Variants in DHX57 observed in about 807,000 individuals in gnomAD.
DHX57 encodes the protein DExH-box helicase 57, also known as putative ATP-dependent RNA helicase DHX57.
A neutral mutation model predicts 156.2 loss-of-function variants in DHX57; 105 were observed. The observed-to-expected ratio is 0.67, with a 90% CI of 0.57 to 0.79. DHX57 has a LOEUF of 0.79. DHX57 is among the 30% of genes least tolerant of loss of function. The pLI is 0.00. For synonymous variants in DHX57, 704 were observed against 595.6 expected (o/e 1.18, Z -2.65); for missense variants, 1,847 against 1,661.9 (o/e 1.11, Z -1.94).
At chr2:38,864,245 T>TAA (rs146547256) in intron 2 of DHX57, among the ~76,000 whole-genome samples, 11 of 132,924 alleles carry the variant, frequency 8.3e-5, no homozygotes, top group African/African-American at 2.9e-4. Flanking sequence ...TTCTGATTAT[T>TAA]AAAAAAAAAA....
chr2:38,820,158 T>C (rs958551799), intron 17 of DHX57, among the ~76,000 whole-genome samples: 7 of 152,180 alleles, frequency 4.6e-5, no homozygotes, highest in African/African-American at 1.7e-4. Flanking sequence ...ACTAATACAA[T>C]AGCAATAAAA....
rs1170183834 is a variant in DHX57 at position 38,813,895 on chromosome 2, C to T, written c.3607G>A (p.Ala1203Thr). The change falls in exon 21 of 24, where the codon GCA (alanine) becomes ACA (threonine). Residue 1203 changes from alanine (A) to threonine (T), a missense_variant and splice_region_variant. Coordinates refer to ENST00000457308, the MANE Select transcript of DHX57 (RefSeq NM_198963.3). ...TTGGGGTTCTCAGCATTTGAGTTTG[C>T]CTATGAGAAAAGCACAGCATTAATT... ...DGVLDATGEE[A>T]NSNAENPKLI... 6.2e-7 allele frequency: 1 copy of T among 1,612,274 alleles called. No homozygotes were observed. The highest frequency in any genetic ancestry group is 1.1e-5 in the South Asian group (1 of 91,062).
chr2:38,811,046 A>C, intron 21 of DHX57: 1 of 654,622 alleles, frequency 1.5e-6, no homozygotes, highest in East Asian at 3.2e-5. Context: ...CAGGTCCTGA[A>C]TCTTCATGTA....
Position 38,818,868 on chromosome 2 carries a change from A to G in DHX57, c.3471+9T>C. On this transcript the variant is annotated intron_variant, in intron 19 of 23. Coordinates refer to ENST00000457308, the MANE Select transcript of DHX57 (RefSeq NM_198963.3). The stretch of plus-strand genomic sequence containing the variant: ...AAAAAATGAAGAAAAAGCCACAGAC[A>G]CAACTCACCTGCAGAACTCTTCCAG... 6.2e-7 allele frequency: 1 copy of G among 1,614,150 alleles called. No homozygotes were observed. Among genetic ancestry groups the G allele is most frequent in the Non-Finnish European group, 8.5e-7 (1 of 1,179,996 alleles).
chr2:38,810,388 G>A (rs536403914), intron 21 of DHX57: 22 of 497,954 alleles, frequency 4.4e-5, no homozygotes, highest in African/African-American at 3.5e-4. Flanking sequence ...CTGTACTTGG[G>A]GAATCTGCAA....
chr2:38,834,253 C>T (rs1169747223), intron 13 of DHX57, among the ~76,000 whole-genome samples: 2 of 149,920 alleles, frequency 1.3e-5, no homozygotes, highest in Non-Finnish European at 3.0e-5. Flanking sequence ...ATTGCTTGAA[C>T]CTGGGAAGCG....
intron 2 of DHX57, among the ~76,000 whole-genome samples, chr2:38,867,758 C>G (rs1384298568): frequency 6.6e-6 from 1 of 152,024 alleles, no homozygotes; most frequent in East Asian, 1.9e-4. Flanking sequence ...GGATTTCACC[C>G]TATTGGCCAG....
At chr2:38,838,673 C>A in intron 12 of DHX57, 2 of 399,386 alleles carry the variant, frequency 5.0e-6, no homozygotes, top group Non-Finnish European at 1.0e-5. Flanking sequence ...TAACCTATGG[C>A]AATCAATGGA....
In DHX57 at chr2:38,872,094, A is replaced by T. The variant is rs1023701789; in HGVS notation, c.-6-3683T>A. On this transcript the variant is annotated intron_variant, in intron 1 of 23. Coordinates refer to ENST00000457308, the MANE Select transcript of DHX57 (RefSeq NM_198963.3). Reference sequence around the variant, plus strand: ...AGGGCTCTGCCCTCATGATCGAATTACCTGTTATTAGGCCCCATCTCCTAA... The same window carrying T: ...AGGGCTCTGCCCTCATGATCGAATTTCCTGTTATTAGGCCCCATCTCCTAA... Among the ~76,000 whole-genome samples the T allele has an allele frequency of 2.6e-5, 4 of 152,180 alleles. No homozygotes were observed. The South Asian group carries it at 8.3e-4, about 32-fold the overall frequency.
intron 12 of DHX57, among the ~76,000 whole-genome samples, chr2:38,841,021 ATGT>A (rs1671964531): frequency 6.6e-6 from 1 of 152,038 alleles, no homozygotes; most frequent in African/African-American, 2.4e-5. Flanking sequence ...CAAGGTCTCA[ATGT>A]ATTGCCCAGG....
chr2:38,866,354 G>C (rs537997088), intron 2 of DHX57, among the ~76,000 whole-genome samples: 1 of 152,196 alleles, frequency 6.6e-6, no homozygotes, highest in South Asian at 2.1e-4. Context: ...GCACATTCTT[G>C]CCTTAAGAAA....
At chr2:38,864,799 G>A (rs1481152290) in intron 2 of DHX57, among the ~76,000 whole-genome samples, 2 of 152,068 alleles carry the variant, frequency 1.3e-5, no homozygotes, top group East Asian at 1.9e-4. Flanking sequence ...CAAAATCATT[G>A]TCTCTGTCTC....
At chr2:38,872,542 T>C (rs570655864) in intron 1 of DHX57, among the ~76,000 whole-genome samples, 2 of 152,168 alleles carry the variant, frequency 1.3e-5, no homozygotes, top group South Asian at 2.1e-4. Flanking sequence ...TGGAAAAAGA[T>C]GATCTTGCAA....
At chr2:38,845,376 T>C (rs534375388) in intron 11 of DHX57, among the ~76,000 whole-genome samples, 1 of 152,208 alleles carries the variant, frequency 6.6e-6, no homozygotes, top group South Asian at 2.1e-4. Context: ...AGTATCCTTA[T>C]TGCACATTAA....
At chr2:38,856,504 T>C (rs1372217139) in intron 6 of DHX57, 43 bp from the exon 7 acceptor site, 2 of 213,196 alleles carry the variant, frequency 9.4e-6, no homozygotes, top group African/African-American at 2.6e-5. Flanking sequence ...TTACTTTTTC[T>C]TTTTTTTTTT....
At chr2:38,817,073 G>C (rs564798221) in intron 19 of DHX57, among the ~76,000 whole-genome samples, 13 of 152,254 alleles carry the variant, frequency 8.5e-5, no homozygotes, top group Non-Finnish European at 1.5e-4. Flanking sequence ...TGGGACCACA[G>C]GCGTGCACCA....
At chr2:38,803,851 G>A (rs910550085) in intron 22 of DHX57, among the ~76,000 whole-genome samples, 23 of 150,676 alleles carry the variant, frequency 1.5e-4, no homozygotes, top group African/African-American at 5.6e-4. Context: ...GCATGATCTT[G>A]GCTCACTGCA....
At chr2:38,860,602 T>C (rs1382879227) in intron 5 of DHX57, among the ~76,000 whole-genome samples, 1 of 152,120 alleles carries the variant, frequency 6.6e-6, no homozygotes, top group Non-Finnish European at 1.5e-5. Flanking sequence ...GTATGGATAG[T>C]GGTATAGAAA....
intron 21 of DHX57, 56 bp from the exon 22 acceptor site, chr2:38,806,749 G>C (rs1669958434): frequency 6.6e-7 from 1 of 1,521,602 alleles, no homozygotes; most frequent in African/African-American, 1.4e-5. Context: ...CTCATAGAAA[G>C]TATCTCTTGG....
Sources: allele counts gnomAD v4.1 joint callset (sites outside exome capture counted in the v4.1 genomes callset), GRCh38; gene constraint gnomAD v4.1.1; transcripts MANE v1.5; gene names NCBI Gene and HGNC (gene_info 2026-07-23, HGNC 2026-07-21).